Variants in TENM4 observed in about 807,000 individuals in gnomAD.
TENM4 encodes the protein teneurin-4.
Under a neutral mutation model 243.3 loss-of-function variants are expected in TENM4, and 82 were observed. The ratio of observed to expected loss-of-function variants is 0.34; its 90% CI spans 0.28 to 0.40. The LOEUF is 0.40. Among genes scored for constraint, TENM4 ranks in the 10% least tolerant of loss-of-function variants. The pLI is 1.00. For missense variants in TENM4, 3,138 were observed against 3,673.3 expected, an observed-to-expected ratio of 0.85 and a Z score of 3.77; for synonymous variants, 1,412 against 1,456.3, an observed-to-expected ratio of 0.97 and a Z score of 0.69.
At chr11:78,691,696 C>T (rs1021020504) in intron 28 of TENM4, among the ~76,000 whole-genome samples, 1 of 152,144 alleles carries the variant, frequency 6.6e-6, no homozygotes, top group Non-Finnish European at 1.5e-5. Context: ...GGCCCCATAC[C>T]TTCAAGATCT....
chr11:79,146,079 G>A (rs977658429), intron 4 of TENM4, among the ~76,000 whole-genome samples: 9 of 152,022 alleles, frequency 5.9e-5, no homozygotes, highest in Non-Finnish European at 4.4e-5. Flanking sequence ...TACCCACTCT[G>A]TGGGTTACTA....
intron 28 of TENM4, among the ~76,000 whole-genome samples, chr11:78,696,245 C>T (rs1393824778): frequency 2.6e-5 from 4 of 152,092 alleles, no homozygotes; most frequent in East Asian, 1.9e-4. Context: ...TCTTTCTTAT[C>T]GTTTCTGTCT....
intron 6 of TENM4, among the ~76,000 whole-genome samples, chr11:79,017,880 G>A (rs980947245): frequency 2.6e-5 from 4 of 152,170 alleles, no homozygotes; most frequent in African/African-American, 4.8e-5. Context: ...TACTGTCACT[G>A]TCTTGAAATT....
Position 79,041,511 on chromosome 11 carries a change from G to A in TENM4, c.493+23227C>T, listed in dbSNP as rs182558411. Among the ~76,000 whole-genome samples the A allele has an allele frequency of 3.6e-4, 32 of 88,898 alleles. No homozygotes were observed. In the East Asian group the frequency reaches 7.4e-3, roughly 21 times the overall value. The allele number at this position is 88,898 out of a possible 152,430, so 58.3% of individuals were successfully genotyped here. A position where few individuals can be genotyped will look rare whatever the true frequency, so the allele number is the denominator to read the frequency against. On this transcript the variant is annotated intron_variant, in intron 6 of 33. Coordinates refer to ENST00000278550, the MANE Select transcript of TENM4 (RefSeq NM_001098816.3). ...GAGGCACTCAAAAAAAAAAAAAATCGAAGAAACAATTTACTTTTCTTTCCT... is the reference window on the plus strand; with the variant it reads ...GAGGCACTCAAAAAAAAAAAAAATCAAAGAAACAATTTACTTTTCTTTCCT...
chr11:79,144,840 G>A (rs1862367258), intron 4 of TENM4, among the ~76,000 whole-genome samples: 1 of 151,800 alleles, frequency 6.6e-6, no homozygotes, highest in Non-Finnish European at 1.5e-5. Flanking sequence ...AATATAGTTA[G>A]AATAAATAAA....
At chr11:79,028,100 GC>G (rs1859127720) in intron 6 of TENM4, among the ~76,000 whole-genome samples, 1 of 152,276 alleles carries the variant, frequency 6.6e-6, no homozygotes, top group African/African-American at 2.4e-5. Flanking sequence ...GTGACCCTTG[GC>G]AAGTTGCTTA....
chr11:79,143,101 T>A (rs947757287), intron 4 of TENM4, among the ~76,000 whole-genome samples: 1 of 152,086 alleles, frequency 6.6e-6, no homozygotes, highest in Non-Finnish European at 1.5e-5. Context: ...GTTCAACCAT[T>A]GTGGAAGACA....
intron 3 of TENM4, among the ~76,000 whole-genome samples, chr11:79,213,002 G>A (rs1314245321): frequency 2.0e-5 from 3 of 152,152 alleles, no homozygotes; most frequent in African/African-American, 7.2e-5. Flanking sequence ...TGTGTGTCAG[G>A]CACTGAGGGC....
intron 6 of TENM4, among the ~76,000 whole-genome samples, chr11:78,978,473 C>T (rs1445200621): frequency 6.6e-6 from 1 of 152,128 alleles, no homozygotes; most frequent in Non-Finnish European, 1.5e-5. Context: ...TTCCATTTTA[C>T]TGATGAAATG....
intron 4 of TENM4, among the ~76,000 whole-genome samples, chr11:79,131,324 A>G (rs1413096597): frequency 6.6e-6 from 1 of 152,234 alleles, no homozygotes; most frequent in Admixed American, 6.5e-5. Flanking sequence ...GAGTAACAGG[A>G]GATTTCTCAG....
intron 15 of TENM4, 56 bp downstream of exon 15, chr11:78,805,236 A>G: frequency 3.9e-6 from 1 of 253,338 alleles, no homozygotes; most frequent in Non-Finnish European, 5.4e-6. Flanking sequence ...ATTGGTGACC[A>G]TGTCACAGTG....
At chr11:79,092,716 A>T (rs2137056332) in intron 4 of TENM4, 1 of 152,322 alleles carries the variant, frequency 6.6e-6, no homozygotes, top group African/African-American at 2.4e-5. Context: ...TCCATCAAAC[A>T]TTTACTGAAC....
intron 27 of TENM4, among the ~76,000 whole-genome samples, chr11:78,704,976 C>T (rs905352802): frequency 1.3e-5 from 2 of 152,196 alleles, no homozygotes; most frequent in African/African-American, 4.8e-5. Context: ...TCCCTCTGTC[C>T]CTGCAGAGCC....
At chr11:79,100,195 A>G (rs1861191105) in intron 4 of TENM4, among the ~76,000 whole-genome samples, 1 of 152,210 alleles carries the variant, frequency 6.6e-6, no homozygotes, top group African/African-American at 2.4e-5. Context: ...GGAGAACAGC[A>G]TATAGCACAC....
intron 28 of TENM4, 83 bp downstream of exon 28, chr11:78,701,443 A>T (rs1859099896): frequency 6.9e-7 from 1 of 1,441,746 alleles, no homozygotes; most frequent in Non-Finnish European, 9.2e-7. Flanking sequence ...CTGAATTAAA[A>T]TAAAATACTC....
In TENM4 at chr11:78,771,085, C is replaced by G; in HGVS notation, c.2446G>C (p.Gly816Arg). 1 of 1,575,982 alleles carries G rather than the reference C, an allele frequency of 6.3e-7. No homozygotes were observed. Among genetic ancestry groups the G allele is most frequent in the Non-Finnish European group, 8.6e-7 (1 of 1,160,636 alleles). The change falls in exon 18 of 34, where the codon GGT becomes CGT. Residue 816 changes from glycine (G) to arginine (R), a missense_variant. By Grantham distance (125) the Gly-to-Arg change is moderately radical. Around this residue, in one of 2 missense-constraint regions of TENM4, gnomAD observed 2,467 missense variants for 3,059.1 expected, o/e 0.81. Coordinates refer to ENST00000278550, the MANE Select transcript of TENM4 (RefSeq NM_001098816.3). Reference sequence around the variant, plus strand: ...CCCAGCTGGCAGACGCAGTGCCAACCATTCAGGTCTAAGGTACATCTGCCG... The same window carrying G: ...CCCAGCTGGCAGACGCAGTGCCAACGATTCAGGTCTAAGGTACATCTGCCG... ...GNGRCTLDLNGWHCVCQLGWR... is the reference protein window; with the variant it reads ...GNGRCTLDLNRWHCVCQLGWR...
At chr11:78,839,783 T>G (rs1276226689) in intron 12 of TENM4, among the ~76,000 whole-genome samples, 1 of 152,226 alleles carries the variant, frequency 6.6e-6, no homozygotes, top group Admixed American at 6.5e-5. Context: ...TTTCTTTTTC[T>G]GTCTTTCGTT....
intron 12 of TENM4, among the ~76,000 whole-genome samples, chr11:78,819,511 A>G (rs1857680267): frequency 2.6e-5 from 4 of 152,106 alleles, no homozygotes. Context: ...CAGTAAAGGG[A>G]AGGCAGCTTT....
chr11:79,318,780 GTTTAA>G (rs1379601284), intron 1 of TENM4, among the ~76,000 whole-genome samples: 2 of 152,182 alleles, frequency 1.3e-5, no homozygotes, highest in Non-Finnish European at 2.9e-5. Context: ...AATAATGGCT[GTTTAA>G]TAACTAGCTC....
Sources: allele counts gnomAD v4.1 joint callset (sites outside exome capture counted in the v4.1 genomes callset), GRCh38; gene constraint gnomAD v4.1.1; regional missense constraint gnomAD v4.1.1; transcripts MANE v1.5; gene names NCBI Gene and HGNC (gene_info 2026-07-23, HGNC 2026-07-21).